Variants in CHTF8 observed in about 807,000 individuals in gnomAD.
CHTF8 encodes the protein chromosome transmission fidelity factor 8.
In CHTF8, 6 loss-of-function variants were observed where a neutral mutation model predicts 11.0. The ratio of observed to expected loss-of-function variants is 0.55; its 90% CI spans 0.30 to 1.08. CHTF8 has a LOEUF of 1.08. CHTF8 is among the 50% of genes least tolerant of loss of function. The pLI is 0.07. For missense variants in CHTF8, 140 were observed against 153.1 expected (o/e 0.91, Z 0.45); for synonymous variants, 53 against 60.5 (o/e 0.88, Z 0.57).
chr16:69,118,177 GTTCT>G lies in CHTF8; in HGVS notation c.*2244_*2247del, dbSNP rs760724893. On this transcript the variant is annotated 3_prime_UTR_variant, in exon 4 of 4. Coordinates refer to ENST00000448552, the MANE Select transcript of CHTF8 (RefSeq NM_001039690.5). Reference sequence around the variant, plus strand: ...CATCCACATCAGTTTAAATTTTGAGGTTCTTTGATTGATTGGGAGTACCAGTGAA... The same window carrying G: ...CATCCACATCAGTTTAAATTTTGAGGTTGATTGATTGGGAGTACCAGTGAA... 7.9e-6 allele frequency: 4 copies of G among 509,548 alleles called. No individual in the cohort carries two copies. Among genetic ancestry groups the G allele is most frequent in the Non-Finnish European group, 1.4e-5 (4 of 279,656 alleles). The allele number at this position is 509,548 out of a possible 1,614,324, so 31.6% of individuals were successfully genotyped here. A position where few individuals can be genotyped will look rare whatever the true frequency, so the allele number is the denominator to read the frequency against.
intron 1 of CHTF8, among the ~76,000 whole-genome samples, chr16:69,123,942 A>AAAAAAC (rs1567591179): frequency 8.2e-5 from 12 of 146,686 alleles, no homozygotes; most frequent in East Asian, 2.0e-4. Context: ...AAAAAAAAAA[A>AAAAAAC]AAAAACAAAA....
At chr16:69,125,049 C>A (rs1355132506) in intron 1 of CHTF8, among the ~76,000 whole-genome samples, 4 of 152,122 alleles carry the variant, frequency 2.6e-5, no homozygotes, top group Non-Finnish European at 4.4e-5. Flanking sequence ...GGATTATAGG[C>A]ATGTGCCACC....
chr16:69,121,909 T>C (rs1208689729), intron 1 of CHTF8, among the ~76,000 whole-genome samples: 1 of 152,170 alleles, frequency 6.6e-6, no homozygotes, highest in African/African-American at 2.4e-5. Flanking sequence ...GACCTCGTGA[T>C]CCACCCACCT....
intron 1 of CHTF8, among the ~76,000 whole-genome samples, chr16:69,122,312 T>G (rs1961731455): frequency 6.6e-6 from 1 of 152,050 alleles, no homozygotes. Flanking sequence ...AGACATACAT[T>G]GCAAAGACCA....
intron 1 of CHTF8, among the ~76,000 whole-genome samples, chr16:69,125,982 C>T (rs1459934800): frequency 6.6e-6 from 1 of 152,186 alleles, no homozygotes; most frequent in East Asian, 1.9e-4. Flanking sequence ...ATAAGAAAAT[C>T]AGCATTCTGA....
At chr16:69,122,514 A>T (rs1961751264) in intron 1 of CHTF8, among the ~76,000 whole-genome samples, 1 of 151,260 alleles carries the variant, frequency 6.6e-6, no homozygotes, top group African/African-American at 2.4e-5. Flanking sequence ...CTGGGATTAC[A>T]GGTGCATGTC....
Position 69,128,583 on chromosome 16 carries a change from C to T in CHTF8, c.-36+3901G>A, listed in dbSNP as rs1035383570. On this transcript the variant is annotated intron_variant, in intron 1 of 3. Transcript: ENST00000448552. The stretch of plus-strand genomic sequence containing the variant: ...ATTCTGTATTCCTAAGTTAGTCAAA[C>T]GACTTTATCTCAGTAAAGGAAACTT... Among the ~76,000 whole-genome samples the T allele has an allele frequency of 4.6e-5, 7 of 152,112 alleles. No individual in the cohort carries two copies. The East Asian group carries it at 1.2e-3, about 25-fold the overall frequency.
chr16:69,129,614 C>T (rs1567595000), intron 1 of CHTF8, among the ~76,000 whole-genome samples: 2 of 152,122 alleles, frequency 1.3e-5, no homozygotes, highest in Non-Finnish European at 2.9e-5. Context: ...AGGAAACAGG[C>T]TTAGAGGAGC....
rs1406649516 is a variant in CHTF8, at chr16:69,120,859, G to A, written c.141+194C>T. The A allele has an allele frequency of 2.7e-6, 2 of 747,330 alleles. No homozygotes were observed. Among genetic ancestry groups the A allele is most frequent in the African/African-American group, 3.5e-5 (2 of 57,746 alleles). 46.3% of individuals were successfully genotyped at this position (747,330 alleles called of 1,614,324 possible). On this transcript the variant is annotated intron_variant, in intron 3 of 3. Transcript: ENST00000448552. The surrounding 1 kb of genome is among the most constrained non-coding windows in gnomAD (Gnocchi z 4.0). ...GGAGAATTTCCACTTTCAGAAATGT[G>A]AGCTTTCCAGATTCCCCAAAATTAA...
At chr16:69,132,363 C>A in intron 1 of CHTF8, 121 bp downstream of exon 1, 1 of 151,652 alleles carries the variant, frequency 6.6e-6, no homozygotes, top group Non-Finnish European at 1.4e-5. Flanking sequence ...TTCTTCTCTC[C>A]GAGCCGCGCG....
In CHTF8 at chr16:69,120,435, TTGGGGACGC is replaced by T; in HGVS notation, c.347_355del (p.Ser116_Pro118del). ...AAATCCGAGGTTCTTTCATACTTTC[TTGGGGACGC>T]TGGTGATAATGGGCTTGGGGCGGGT... On this transcript the variant is annotated inframe_deletion, in exon 4 of 4. Coordinates refer to ENST00000448552, the MANE Select transcript of CHTF8 (RefSeq NM_001039690.5). The surrounding 1 kb of genome is among the most constrained non-coding windows in gnomAD (Gnocchi z 4.0). The T allele has an allele frequency of 6.2e-7, 1 of 1,614,146 alleles. No homozygotes were observed. Among genetic ancestry groups the T allele is most frequent in the East Asian group, 2.2e-5 (1 of 44,874 alleles).
In CHTF8 at chr16:69,126,972, C is replaced by T. The variant is rs140839083; in HGVS notation, c.-35-5479G>A. Among the ~76,000 whole-genome samples, 664 of 152,140 alleles carry T rather than the reference C, an allele frequency of 4.4e-3. 24 individuals carry two copies. In the South Asian group the frequency reaches 0.083, roughly 19 times the overall value. ...TGATTAAAAAGTGTATGAGGCCGGG[C>T]GCGGTGGCTCATGCCTGTAATCTCA... On this transcript the variant is annotated intron_variant, in intron 1 of 3. Coordinates refer to ENST00000448552, the MANE Select transcript of CHTF8 (RefSeq NM_001039690.5).
chr16:69,131,664 G>C (rs562778866), intron 1 of CHTF8, among the ~76,000 whole-genome samples: 1 of 144,864 alleles, frequency 6.9e-6, no homozygotes, highest in Non-Finnish European at 1.5e-5. Flanking sequence ...TGCCTCCCAG[G>C]GAAACTATTC....
intron 1 of CHTF8, among the ~76,000 whole-genome samples, chr16:69,121,855 G>C (rs907103878): frequency 7.9e-5 from 12 of 152,172 alleles, no homozygotes; most frequent in African/African-American, 2.9e-4. Flanking sequence ...ATTTTTAGTA[G>C]AGATGGGGTT....
At chr16:69,122,441 C>A (rs957368566) in intron 1 of CHTF8, among the ~76,000 whole-genome samples, 5 of 151,380 alleles carry the variant, frequency 3.3e-5, no homozygotes, top group African/African-American at 1.2e-4. Context: ...GGCGCCATCT[C>A]GGCTCACTGC....
intron 1 of CHTF8, among the ~76,000 whole-genome samples, chr16:69,130,218 A>C (rs1313299504): frequency 6.6e-6 from 1 of 152,222 alleles, no homozygotes; most frequent in African/African-American, 2.4e-5. Flanking sequence ...AACCGAACAT[A>C]TGGCTTATAG....
chr16:69,124,922 G>A (rs1255690478), intron 1 of CHTF8, among the ~76,000 whole-genome samples: 1 of 150,552 alleles, frequency 6.6e-6, no homozygotes, highest in Non-Finnish European at 1.5e-5. Context: ...GACTTTTTTT[G>A]AGACAGAGTT....
Position 69,120,419 on chromosome 16 carries a change from G to C in CHTF8, c.*6C>G, listed in dbSNP as rs1397606378. 1.2e-6 allele frequency: 2 copies of C among 1,614,076 alleles called. No individual in the cohort carries two copies. Among genetic ancestry groups the C allele is most frequent in the Non-Finnish European group, 1.7e-6 (2 of 1,179,952 alleles). On this transcript the variant is annotated 3_prime_UTR_variant, in exon 4 of 4. Coordinates refer to ENST00000448552, the MANE Select transcript of CHTF8 (RefSeq NM_001039690.5). This position sits in a 1 kb window ranked among gnomAD's most constrained non-coding sequence, Gnocchi z 4.0. ...GGCCGCTCTCTAGGGAAAATCCGAGGTTCTTTCATACTTTCTTGGGGACGC... is the reference window on the plus strand; with the variant it reads ...GGCCGCTCTCTAGGGAAAATCCGAGCTTCTTTCATACTTTCTTGGGGACGC...
Position 69,119,766 on chromosome 16 carries a change from G to A in CHTF8, c.*659C>T, listed in dbSNP as rs118172292. 13,656 of 698,506 alleles carry A rather than the reference G, an allele frequency of 0.02. 178 individuals carry two copies. Among genetic ancestry groups the A allele is most frequent in the Non-Finnish European group, 0.026 (10,085 of 382,448 alleles). The allele number at this position is 698,506 out of a possible 1,614,324, so 43.3% of individuals were successfully genotyped here. A position where few individuals can be genotyped will look rare whatever the true frequency, so the allele number is the denominator to read the frequency against. ...GAAACACACCTGACCTGGGGGCAGG[G>A]TTTGTCCCTAAAAAGCCTGATCTCA... On this transcript the variant is annotated 3_prime_UTR_variant, in exon 4 of 4. Coordinates refer to ENST00000448552, the MANE Select transcript of CHTF8 (RefSeq NM_001039690.5).
Sources: allele counts gnomAD v4.1 joint callset (sites outside exome capture counted in the v4.1 genomes callset), GRCh38; gene constraint gnomAD v4.1.1; non-coding constraint Gnocchi (gnomAD v3.1); transcripts MANE v1.5; gene names NCBI Gene and HGNC (gene_info 2026-07-23, HGNC 2026-07-21).